Variants in DDHD1 observed in about 807,000 individuals in gnomAD.
DDHD1 encodes the protein DDHD domain containing 1, also known as phospholipase DDHD1.
In DDHD1, 49 loss-of-function variants were observed where a neutral mutation model predicts 96.4. That is an observed-to-expected ratio of 0.51 (90% CI 0.40 to 0.64). The LOEUF is 0.64. Among genes scored for constraint, DDHD1 ranks in the 30% least tolerant of loss-of-function variants. DDHD1 has a pLI of 0.00. For missense variants in DDHD1, 1,106 were observed against 1,161.2 expected, an observed-to-expected ratio of 0.95 and a Z score of 0.69; for synonymous variants, 442 against 446.5, an observed-to-expected ratio of 0.99 and a Z score of 0.13.
intron 4 of DDHD1, among the ~76,000 whole-genome samples, chr14:53,083,342 T>TA (rs1885660905): frequency 6.6e-6 from 1 of 152,218 alleles, no homozygotes; most frequent in Non-Finnish European, 1.5e-5. Context: ...GGGTATTAGA[T>TA]ATGCCAAGTT....
At chr14:53,150,084 C>T (rs1474949682) in intron 1 of DDHD1, 2 of 152,202 alleles carry the variant, frequency 1.3e-5, no homozygotes, top group African/African-American at 2.4e-5. Flanking sequence ...CCCTCACATA[C>T]TTTGGTCTCT....
chr14:53,083,374 T>C (rs749402696), intron 4 of DDHD1, among the ~76,000 whole-genome samples: 15 of 152,196 alleles, frequency 9.9e-5, no homozygotes, highest in Non-Finnish European at 1.5e-4. Flanking sequence ...TCCCTTGTAA[T>C]TAAACTCCAC....
chr14:53,131,284 C>T (rs1480611970), intron 1 of DDHD1, among the ~76,000 whole-genome samples: 2 of 152,166 alleles, frequency 1.3e-5, no homozygotes, highest in Admixed American at 6.5e-5. Flanking sequence ...CCTTAACCCA[C>T]AAGTGATAGG....
At chr14:53,113,766 C>T (rs1888324513) in intron 1 of DDHD1, among the ~76,000 whole-genome samples, 1 of 152,174 alleles carries the variant, frequency 6.6e-6, no homozygotes, top group African/African-American at 2.4e-5. Flanking sequence ...GCCTACACCA[C>T]CAGGACCCTG....
intron 12 of DDHD1, 42 bp from the exon 13 acceptor site, chr14:53,046,991 T>C (rs1882063963): frequency 6.6e-7 from 1 of 1,518,756 alleles, no homozygotes; most frequent in Non-Finnish European, 8.9e-7. Flanking sequence ...CAGATTATAA[T>C]AAAATATGTT....
intron 1 of DDHD1, among the ~76,000 whole-genome samples, chr14:53,126,955 G>A (rs1889488112): frequency 6.6e-6 from 1 of 152,126 alleles, no homozygotes; most frequent in Non-Finnish European, 1.5e-5. Flanking sequence ...GAGAATTTAA[G>A]CTCTAACGGG....
At position 53,152,958 on chromosome 14, in the gene DDHD1, C is replaced by A; in HGVS notation, c.141G>T (p.Gly47=). The A allele has an allele frequency of 6.3e-7, 1 of 1,589,010 alleles. No homozygotes were observed. Among genetic ancestry groups the A allele is most frequent in the Non-Finnish European group, 8.5e-7 (1 of 1,170,518 alleles). ...GGGGCACGTCGCCGTCGTCCGGGTC[C>A]CCGCCGGGCAGGTGCTCGAAGCAGC... ...GVCCFEHLPG[G]DPDDGDVPLA... The change falls in exon 1 of 13, where the codon GGG becomes GGT. Residue 47 remains glycine (G), a synonymous_variant. Transcript: ENST00000673822.
At chr14:53,095,445 C>T (rs1472740426) in intron 2 of DDHD1, among the ~76,000 whole-genome samples, 1 of 152,092 alleles carries the variant, frequency 6.6e-6, no homozygotes, top group South Asian at 2.1e-4. Context: ...TTATGAAAAC[C>T]TATTCCCCAC....
chr14:53,066,516 T>A (rs1244159197), intron 6 of DDHD1, among the ~76,000 whole-genome samples: 3 of 152,126 alleles, frequency 2.0e-5, no homozygotes, highest in Non-Finnish European at 4.4e-5. Flanking sequence ...GCCTCACAAA[T>A]AAACCAAACA....
chr14:53,090,604 C>T (rs1414468421), intron 4 of DDHD1, among the ~76,000 whole-genome samples: 1 of 152,162 alleles, frequency 6.6e-6, no homozygotes, highest in Non-Finnish European at 1.5e-5. Flanking sequence ...AACCATCATT[C>T]TCAGCAAACT....
chr14:53,064,957 A>G (rs958952235), intron 6 of DDHD1, among the ~76,000 whole-genome samples: 1 of 152,036 alleles, frequency 6.6e-6, no homozygotes. Flanking sequence ...TTCTGATCCA[A>G]TTATATTCTC....
At chr14:53,127,573 A>G (rs1889544899) in intron 1 of DDHD1, among the ~76,000 whole-genome samples, 1 of 152,252 alleles carries the variant, frequency 6.6e-6, no homozygotes, top group Non-Finnish European at 1.5e-5. Flanking sequence ...CTACATCAAG[A>G]CTAACCGTGA....
rs1197035865 is a variant in DDHD1 at position 53,045,748 on chromosome 14, T to G, written c.*1020A>C. 1 of 152,218 alleles carries G rather than the reference T, an allele frequency of 6.6e-6. No homozygotes were observed. Among genetic ancestry groups the G allele is most frequent in the Non-Finnish European group, 1.5e-5 (1 of 68,040 alleles). The allele number at this position is 152,218 out of a possible 1,614,324, so 9.4% of individuals were successfully genotyped here. On this transcript the variant is annotated 3_prime_UTR_variant, in exon 13 of 13. Transcript: ENST00000673822. The stretch of plus-strand genomic sequence containing the variant: ...AAACCCTTCCAATGCCTCAGAATCC[T>G]GACTTACTGTGCCTTGTGTCTCAAT...
At position 53,043,157 on chromosome 14, in the gene DDHD1, T is replaced by C. The variant is rs767670808; in HGVS notation, c.*3611A>G. The C allele has an allele frequency of 3.3e-5, 5 of 152,120 alleles. No homozygotes were observed. The highest frequency in any genetic ancestry group is 7.4e-5 in the Non-Finnish European group (5 of 68,012). The allele number at this position is 152,120 out of a possible 1,614,324, so 9.4% of individuals were successfully genotyped here. A position where few individuals can be genotyped will look rare whatever the true frequency, so the allele number is the denominator to read the frequency against. On this transcript the variant is annotated 3_prime_UTR_variant, in exon 13 of 13. Transcript: ENST00000673822. ...GTCTAGGTGATGCAAAGCTGGAATATGGTGTGTTAAATTTTCTGCAGACTA... is the reference window on the plus strand; with the variant it reads ...GTCTAGGTGATGCAAAGCTGGAATACGGTGTGTTAAATTTTCTGCAGACTA...
intron 4 of DDHD1, among the ~76,000 whole-genome samples, chr14:53,088,931 C>T (rs1018518425): frequency 8.5e-5 from 13 of 152,186 alleles, no homozygotes; most frequent in Non-Finnish European, 1.6e-4. Flanking sequence ...CCCATTGTCT[C>T]AGCCCAAAAT....
chr14:53,113,159 G>A (rs535642846), intron 1 of DDHD1, among the ~76,000 whole-genome samples: 2 of 151,234 alleles, frequency 1.3e-5, no homozygotes, highest in South Asian at 2.1e-4. Flanking sequence ...TAGTTTCAGG[G>A]TTTCGCTATG....
chr14:53,134,111 C>T (rs1381062300), intron 1 of DDHD1, among the ~76,000 whole-genome samples: 2 of 152,118 alleles, frequency 1.3e-5, no homozygotes, highest in Non-Finnish European at 2.9e-5. Context: ...TCGTCCTTAC[C>T]CTACTTTTTG....
chr14:53,102,849 C>A (rs1887410112), intron 2 of DDHD1, among the ~76,000 whole-genome samples: 1 of 151,488 alleles, frequency 6.6e-6, no homozygotes, highest in South Asian at 2.1e-4. Context: ...TTGAGTTTTT[C>A]TGCTTTAGAG....
At chr14:53,148,581 G>A (rs148402523) in intron 1 of DDHD1, among the ~76,000 whole-genome samples, 38 of 152,308 alleles carry the variant, frequency 2.5e-4, no homozygotes, top group Middle Eastern at 3.4e-3. Flanking sequence ...CCAAAGTGCT[G>A]GGATTACAGG....
Sources: gnomAD v4.1 joint callset for allele counts (sites outside exome capture counted in the v4.1 genomes callset) on GRCh38, gnomAD v4.1.1 for gene constraint, MANE v1.5 for transcripts, NCBI Gene and HGNC (gene_info 2026-07-23, HGNC 2026-07-21) for gene names.